Variants in UTRN observed in about 807,000 individuals in gnomAD.
UTRN encodes utrophin.
In UTRN, 283 loss-of-function variants were observed where a neutral mutation model predicts 463.9. That is an observed-to-expected ratio of 0.61 (90% CI 0.55 to 0.67). The LOEUF (loss-of-function observed/expected upper bound fraction) is 0.67, where lower values mean the gene tolerates loss of function less well. Ranked by LOEUF, UTRN falls within the 30% of genes least tolerant of loss-of-function variation. The probability of loss-of-function intolerance (pLI) is 0.00; values close to 1 mark genes in which losing one functional copy is unlikely to be tolerated. For missense variants in UTRN, 3,922 were observed against 4,084.3 expected (o/e 0.96, Z 1.08); for synonymous variants, 1,442 against 1,431.5 (o/e 1.01, Z -0.17).
At chr6:144,587,519 G>A (rs1019202120) in intron 51 of UTRN, among the ~76,000 whole-genome samples, 1 of 152,112 alleles carries the variant, frequency 6.6e-6, no homozygotes, top group Admixed American at 6.6e-5. Flanking sequence ...ATGAAGTAAG[G>A]TCACATATTA....
intron 27 of UTRN, 54 bp downstream of exon 27, chr6:144,482,442 TTTTCAGTGATG>T: frequency 1.8e-6 from 2 of 1,135,006 alleles, no homozygotes; most frequent in Middle Eastern, 3.3e-4. Context: ...ATTATTATTA[TTTTCAGTGATG>T]TATTTCTGAG....
intron 50 of UTRN, among the ~76,000 whole-genome samples, chr6:144,563,634 T>G (rs1167747083): frequency 1.3e-5 from 2 of 152,190 alleles, no homozygotes; most frequent in African/African-American, 4.8e-5. Flanking sequence ...AGCTTACTTC[T>G]TTCCCTGAAA....
chr6:144,783,023 C>G (rs1013154096), intron 61 of UTRN, among the ~76,000 whole-genome samples: 2 of 151,988 alleles, frequency 1.3e-5, no homozygotes, highest in South Asian at 4.1e-4. Context: ...TGGTGAAACC[C>G]TGTCTCTACT....
chr6:144,770,432 T>C (rs919962490), intron 58 of UTRN, among the ~76,000 whole-genome samples: 9 of 152,226 alleles, frequency 5.9e-5, no homozygotes, highest in African/African-American at 2.2e-4. Flanking sequence ...AATGTTGTAA[T>C]ATCACTCTCT....
At chr6:144,367,931 G>A (rs976575611) in intron 2 of UTRN, among the ~76,000 whole-genome samples, 2 of 151,992 alleles carry the variant, frequency 1.3e-5, no homozygotes, top group African/African-American at 4.8e-5. Context: ...ACAGGCACCC[G>A]CCACCACGCC....
chr6:144,299,273 C>A lies in UTRN; in HGVS notation c.79+7366C>A, dbSNP rs370184417. Among the ~76,000 whole-genome samples, 14 of 152,244 alleles carry A rather than the reference C, an allele frequency of 9.2e-5. No individual in the cohort carries two copies. The East Asian group carries it at 2.1e-3, about 23-fold the overall frequency. ...GTTCTGTGGGCTATTCTCTTTAGTG[C>A]TCTTAATTTATAGACAAGGAAGGCA... On this transcript the variant is annotated intron_variant, in intron 2 of 74. Transcript: ENST00000367545.
intron 65 of UTRN, among the ~76,000 whole-genome samples, chr6:144,806,936 CTCTTT>C: frequency 6.6e-6 from 1 of 152,262 alleles, no homozygotes; most frequent in East Asian, 1.9e-4. Flanking sequence ...ATTTGCTCTA[CTCTTT>C]TAAGTTTTAT....
At chr6:144,681,738 T>C (rs566078825) in intron 52 of UTRN, among the ~76,000 whole-genome samples, 89 of 152,290 alleles carry the variant, frequency 5.8e-4, no homozygotes, top group East Asian at 3.9e-4. Flanking sequence ...GTTGATAGTA[T>C]TGCAAGTTTA....
chr6:144,771,266 T>A lies in UTRN; in HGVS notation c.8496-641T>A, dbSNP rs541729424. Among the ~76,000 whole-genome samples, 82 of 152,202 alleles carry A rather than the reference T, an allele frequency of 5.4e-4. 1 individual carries two copies. The highest frequency in any genetic ancestry group is 1.2e-3 in the Admixed American group (19 of 15,296). ...TGTTTTTACAATGTAGTTGCTCAAA[T>A]GAAATTTATTATTAAAAAATTTTTA... is the stretch of plus-strand genomic sequence containing the variant. On this transcript the variant is annotated intron_variant, in intron 58 of 74. Transcript: ENST00000367545.
chr6:144,555,828 A>G (rs1338064958), intron 49 of UTRN, among the ~76,000 whole-genome samples: 1 of 152,220 alleles, frequency 6.6e-6, no homozygotes, highest in Admixed American at 6.5e-5. Context: ...TTGGGTGGGG[A>G]CACAAATCCA....
At chr6:144,681,512 CT>C (rs1427728356) in intron 52 of UTRN, among the ~76,000 whole-genome samples, 2 of 151,954 alleles carry the variant, frequency 1.3e-5, no homozygotes, top group Non-Finnish European at 2.9e-5. Flanking sequence ...AAGATCAGGC[CT>C]GCAGAGTCCA....
intron 34 of UTRN, among the ~76,000 whole-genome samples, chr6:144,508,288 A>T (rs1794860633): frequency 6.6e-6 from 1 of 152,014 alleles, no homozygotes; most frequent in African/African-American, 2.4e-5. Context: ...TGGGGTGTGA[A>T]AAAAAACAAA....
chr6:144,638,624 A>T (rs1372480928), intron 51 of UTRN, among the ~76,000 whole-genome samples: 1 of 152,190 alleles, frequency 6.6e-6, no homozygotes, highest in Non-Finnish European at 1.5e-5. Flanking sequence ...GGTCTAGGGT[A>T]TATCTGTTTG....
At chr6:144,539,228 A>G in intron 44 of UTRN, 66 bp from the exon 45 acceptor site, 2 of 1,458,248 alleles carry the variant, frequency 1.4e-6, no homozygotes, top group Admixed American at 4.9e-5. Context: ...AAGGTTTCTA[A>G]TACAGTTCTT....
At chr6:144,764,651 G>A (rs1235040667) in intron 58 of UTRN, among the ~76,000 whole-genome samples, 1 of 152,042 alleles carries the variant, frequency 6.6e-6, no homozygotes, top group Non-Finnish European at 1.5e-5. Context: ...AACTGCCATT[G>A]CAATTAGCAA....
At chr6:144,350,900 T>C (rs540247030) in intron 2 of UTRN, among the ~76,000 whole-genome samples, 21 of 152,322 alleles carry the variant, frequency 1.4e-4, no homozygotes, top group African/African-American at 4.8e-4. Context: ...GATTCTATAG[T>C]ATTTTCTTTC....
chr6:144,433,386 C>T (rs1304185826), intron 9 of UTRN, among the ~76,000 whole-genome samples: 6 of 148,196 alleles, frequency 4.0e-5, no homozygotes, highest in African/African-American at 1.3e-4. Flanking sequence ...CCCTCCCGGA[C>T]GGGGTGGCTG....
chr6:144,847,825 T>G lies in UTRN; in HGVS notation c.10293+998T>G, dbSNP rs536121505. Among the ~76,000 whole-genome samples the G allele has an allele frequency of 2.6e-5, 4 of 152,324 alleles. No homozygotes were observed. In the South Asian group the frequency reaches 8.3e-4, roughly 32 times the overall value. ...TGTGTGACTCAGTTCCCACTTTTAA[T>G]TTTTCCCTTTAGCATAGTGAGTTAG... On this transcript the variant is annotated intron_variant, in intron 74 of 74. Transcript: ENST00000367545.
At chr6:144,751,566 C>A (rs1482415268) in intron 55 of UTRN, among the ~76,000 whole-genome samples, 1 of 152,110 alleles carries the variant, frequency 6.6e-6, no homozygotes, top group East Asian at 1.9e-4. Flanking sequence ...CCCCATGGAA[C>A]CTGCATGTAG....
Sources: allele counts gnomAD v4.1 joint callset (sites outside exome capture counted in the v4.1 genomes callset), GRCh38; gene constraint gnomAD v4.1.1; transcripts MANE v1.5; gene names NCBI Gene and HGNC (gene_info 2026-07-23, HGNC 2026-07-21).